The following RPGRIP1L variants were observed in gnomAD, a reference collection of about 807,000 sequenced individuals.
RPGRIP1L encodes the protein RPGRIP1 like, also known as protein fantom.
Under a neutral mutation model 160.4 loss-of-function variants are expected in RPGRIP1L, and 131 were observed. The ratio of observed to expected loss-of-function variants is 0.82; its 90% CI spans 0.71 to 0.94. The LOEUF (loss-of-function observed/expected upper bound fraction) is 0.94, where lower values mean the gene tolerates loss of function less well. Ranked by LOEUF, RPGRIP1L falls within the 40% of genes least tolerant of loss-of-function variation. RPGRIP1L has a pLI of 0.00. For missense variants in RPGRIP1L, 1,522 were observed against 1,535.8 expected (o/e 0.99, Z 0.15); for synonymous variants, 510 against 515.8 (o/e 0.99, Z 0.15).
At chr16:53,635,562 T>A (rs1336827805) in intron 22 of RPGRIP1L, 1 of 152,376 alleles carries the variant, frequency 6.6e-6, no homozygotes, top group East Asian at 1.9e-4. Context: ...TGTGCTCACA[T>A]GATCCTCCTG....
At chr16:53,632,492 G>T (rs1965581965) in intron 22 of RPGRIP1L, among the ~76,000 whole-genome samples, 1 of 152,146 alleles carries the variant, frequency 6.6e-6, no homozygotes, top group African/African-American at 2.4e-5. Flanking sequence ...TTAATTTTTT[G>T]TATTCGTGGA....
At chr16:53,665,421 T>G (rs545010736) in intron 9 of RPGRIP1L, among the ~76,000 whole-genome samples, 16 of 152,298 alleles carry the variant, frequency 1.1e-4, no homozygotes, top group African/African-American at 3.8e-4. Flanking sequence ...TGATCTTTAA[T>G]TCTGTGAAAC....
At chr16:53,614,875 A>G (rs1209920519) in intron 24 of RPGRIP1L, among the ~76,000 whole-genome samples, 1 of 152,204 alleles carries the variant, frequency 6.6e-6, no homozygotes, top group Non-Finnish European at 1.5e-5. Context: ...TAGTCCAAAT[A>G]CTTTAGTTGA....
At chr16:53,696,051 A>G in intron 3 of RPGRIP1L, 100 bp downstream of exon 3, 4 of 1,177,110 alleles carry the variant, frequency 3.4e-6, no homozygotes, top group Non-Finnish European at 5.0e-6. Context: ...CCTTGTTCCA[A>G]ACAAGATTCA....
chr16:53,627,613 A>T (rs1261386986), intron 22 of RPGRIP1L, among the ~76,000 whole-genome samples: 1 of 152,144 alleles, frequency 6.6e-6, no homozygotes, highest in Admixed American at 6.5e-5. Context: ...TCATTCCCAA[A>T]CATGCCTTTA....
At position 53,646,020 on chromosome 16, in the gene RPGRIP1L, A is replaced by G. The variant is rs759307830; in HGVS notation, c.2305-17T>C. On this transcript the variant is annotated splice_polypyrimidine_tract_variant and intron_variant, in intron 16 of 26. Transcript: ENST00000647211. ...CTGACTTAACTGGAAAAACATACAT[A>G]TTTATATTAAGGAAATAACACAGTT... 11 of 1,612,344 alleles carry G rather than the reference A, an allele frequency of 6.8e-6. No homozygotes were observed. The South Asian group carries it at 1.1e-4, about 16-fold the overall frequency.
At chr16:53,640,832 G>A (rs1966164140) in intron 19 of RPGRIP1L, among the ~76,000 whole-genome samples, 1 of 151,724 alleles carries the variant, frequency 6.6e-6, no homozygotes, top group African/African-American at 2.4e-5. Context: ...AGAGGTAAGG[G>A]CCCAAAAAAG....
chr16:53,699,732 C>T (rs1033315793), intron 2 of RPGRIP1L, among the ~76,000 whole-genome samples: 2 of 151,006 alleles, frequency 1.3e-5, no homozygotes, highest in East Asian at 1.9e-4. Flanking sequence ...GCAGGAGAAT[C>T]GCTTAAATCC....
chr16:53,606,117 G>A (rs1465777791), intron 25 of RPGRIP1L, among the ~76,000 whole-genome samples: 2 of 152,178 alleles, frequency 1.3e-5, no homozygotes, highest in Non-Finnish European at 2.9e-5. Flanking sequence ...GTAACATTTT[G>A]AATCATGTTA....
rs139641868 is a variant in RPGRIP1L, at chr16:53,649,831, A to G, written c.2153-716T>C. Among the ~76,000 whole-genome samples, 308 of 152,208 alleles carry G rather than the reference A, an allele frequency of 2.0e-3. 2 individuals are homozygous for G. The highest frequency in any genetic ancestry group is 7.0e-3 in the African/African-American group (291 of 41,536). On this transcript the variant is annotated intron_variant, in intron 15 of 26. Coordinates refer to ENST00000647211, the MANE Select transcript of RPGRIP1L (RefSeq NM_015272.5). ...CTTTGGCCCGTCTGTTTACCAGCCT[A>G]TTTCTCTAATACGCCATAAGTTTCT...
At chr16:53,617,146 A>G (rs1226821221) in intron 24 of RPGRIP1L, among the ~76,000 whole-genome samples, 1 of 149,440 alleles carries the variant, frequency 6.7e-6, no homozygotes, top group African/African-American at 2.5e-5. Flanking sequence ...TAACCATGTG[A>G]GAATGCACAA....
chr16:53,636,642 T>C (rs1336640276), intron 21 of RPGRIP1L, 130 bp from the exon 22 acceptor site: 8 of 578,794 alleles, frequency 1.4e-5, no homozygotes, highest in Non-Finnish European at 2.1e-5. Context: ...CCTAGATCTT[T>C]TTTAGTAGCA....
At position 53,692,111 on chromosome 16, in the gene RPGRIP1L, T is replaced by C. The variant is rs1316762514; in HGVS notation, c.484A>G (p.Arg162Gly). 6.2e-7 allele frequency: 1 copy of C among 1,614,202 alleles called. No homozygotes were observed. The highest frequency in any genetic ancestry group is 8.5e-7 in the Non-Finnish European group (1 of 1,180,038). Residue 162 changes from arginine to glycine, a missense_variant, in exon 4 of 27, where the codon AGA (arginine) becomes GGA (glycine). Transcript: ENST00000647211. ...AAACCAGCATTTTCATTTGCTTTTC[T>C]ACGCCCAGTGTTAATACGAGATTGT... ...NVQSRINTGR[R>G]KANENAGLQE...
chr16:53,688,017 G>A, intron 4 of RPGRIP1L, 52 bp from the exon 5 acceptor site: 1 of 1,110,988 alleles, frequency 9.0e-7, no homozygotes, highest in Non-Finnish European at 1.4e-6. Context: ...AGAAAAGAAG[G>A]ATCTTTGATT....
intron 25 of RPGRIP1L, among the ~76,000 whole-genome samples, chr16:53,609,446 G>C (rs1963889244): frequency 6.6e-6 from 1 of 152,072 alleles, no homozygotes; most frequent in South Asian, 2.1e-4. Context: ...GGTCCTCTGA[G>C]GAAAGGCAGG....
intron 6 of RPGRIP1L, among the ~76,000 whole-genome samples, chr16:53,680,677 G>T (rs1034722912): frequency 1.3e-5 from 2 of 152,160 alleles, no homozygotes; most frequent in South Asian, 2.1e-4. Flanking sequence ...TTCTGAATGT[G>T]ATAGCTGTAT....
chr16:53,684,262 T>C (rs932714335), intron 6 of RPGRIP1L, among the ~76,000 whole-genome samples: 38 of 152,146 alleles, frequency 2.5e-4, no homozygotes, highest in African/African-American at 8.7e-4. Flanking sequence ...CAAAGGATTA[T>C]AAATCATGCT....
chr16:53,641,608 C>T (rs1273072018), intron 17 of RPGRIP1L, 133 bp from the exon 18 acceptor site: 15 of 783,306 alleles, frequency 1.9e-5, no homozygotes, highest in Non-Finnish European at 2.7e-5. Context: ...GGTTGTACCC[C>T]CTACTTTAAA....
chr16:53,667,662 C>A (rs895174649), intron 9 of RPGRIP1L, among the ~76,000 whole-genome samples: 3 of 152,130 alleles, frequency 2.0e-5, no homozygotes, highest in Non-Finnish European at 2.9e-5. Flanking sequence ...CACTTGAGGT[C>A]AGGAGTTCGA....
Sources: gnomAD v4.1 joint callset for allele counts (sites outside exome capture counted in the v4.1 genomes callset) on GRCh38, gnomAD v4.1.1 for gene constraint, MANE v1.5 for transcripts, NCBI Gene and HGNC (gene_info 2026-07-23, HGNC 2026-07-21) for gene names.